The following TAF1C variants were observed in gnomAD, a reference collection of about 807,000 sequenced individuals.
TAF1C encodes the protein TATA box-binding protein-associated factor RNA polymerase I subunit C.
Under a neutral mutation model 70.5 loss-of-function variants are expected in TAF1C, and 79 were observed. The ratio of observed to expected loss-of-function variants is 1.12; its 90% CI spans 0.93 to 1.35. TAF1C has a LOEUF of 1.35. TAF1C is among the 40% of genes most tolerant of loss of function. The probability of loss-of-function intolerance (pLI) is 0.00; values close to 1 mark genes in which losing one functional copy is unlikely to be tolerated. For synonymous variants in TAF1C, 614 were observed against 491.1 expected, an observed-to-expected ratio of 1.25 and a Z score of -3.31; for missense variants, 1,412 against 1,127.8, an observed-to-expected ratio of 1.25 and a Z score of -3.61.
chr16:84,178,706 C>G lies in TAF1C; in HGVS notation c.*235G>C. ...CAGCAACACAGGCCCACCGGCACCT[C>G]CAGCCTGCCTTGCGGGATGATCTTC... On this transcript the variant is annotated 3_prime_UTR_variant, in exon 15 of 15. Transcript: ENST00000566732. 1.7e-6 allele frequency: 1 copy of G among 579,146 alleles called. No homozygotes were observed. The highest frequency in any genetic ancestry group is 2.1e-5 in the South Asian group (1 of 47,116). 35.9% of individuals were successfully genotyped at this position (579,146 alleles called of 1,614,324 possible). A position where few individuals can be genotyped will look rare whatever the true frequency, so the allele number is the denominator to read the frequency against.
Position 84,178,980 on chromosome 16 carries a change from G to T in TAF1C, c.2493C>A (p.Ser831Arg). ...GAGGCTTCTTCCGGAGGGGCTGAGA[G>T]CTAGAGAGGACGGGTGTGTGCTGCT... is the stretch of plus-strand genomic sequence containing the variant. The part of the protein sequence containing the change: ...RSQQHTPVLS[S>R]SQPLRKKPRM... The change falls in exon 15 of 15, where the codon AGC (serine) becomes AGA (arginine). Residue 831 changes from serine to arginine, a missense_variant. Transcript: ENST00000566732. 6.2e-7 allele frequency: 1 copy of T among 1,610,956 alleles called. No individual in the cohort carries two copies.
intron 1 of TAF1C, among the ~76,000 whole-genome samples, chr16:84,186,630 G>A (rs1268825703): frequency 6.6e-6 from 1 of 152,244 alleles, no homozygotes; most frequent in African/African-American, 2.4e-5. Context: ...GGAGGGCGCT[G>A]GTGGAGAGCA....
In TAF1C at chr16:84,181,606, C is replaced by T. The variant is rs2089199598; in HGVS notation, c.1014G>A (p.Trp338Ter). ...ICSRSGAVCL[W>*]SPEDGLRQIY... Reference sequence around the variant, plus strand: ...AGCGGCGATACCCATCCTCAGGGCTCCACAGGCAGACGGCTCCCGAGCGGC... The same window carrying T: ...AGCGGCGATACCCATCCTCAGGGCTTCACAGGCAGACGGCTCCCGAGCGGC... The change falls in exon 10 of 15, where the codon TGG (tryptophan) becomes TGA (stop). Residue 338 changes from tryptophan (W) to a stop codon, truncating the protein, a stop_gained. Transcript: ENST00000566732. LOFTEE classifies it high-confidence loss of function. 1.9e-6 allele frequency: 3 copies of T among 1,613,828 alleles called. No homozygotes were observed. The highest frequency in any genetic ancestry group is 1.3e-5 in the African/African-American group (1 of 74,906).
chr16:84,181,523 G>T (rs2089191532), intron 10 of TAF1C, 60 bp from the exon 11 acceptor site: 12 of 1,613,628 alleles, frequency 7.4e-6, no homozygotes, highest in African/African-American at 2.7e-5. Flanking sequence ...GGGCTCAAGG[G>T]TCGCGACATG....
At position 84,179,380 on chromosome 16, in the gene TAF1C, G is replaced by C. The variant is rs558058307; in HGVS notation, c.2093C>G (p.Ala698Gly). ...EDKLSERLGE[A>G]WAGRGAAWWE... ...CCAGGCAGCCCCTCGGCCTGCCCAGGCTTCCCCCAGGCGCTCACTGAGCTT... is the reference window on the plus strand; with the variant it reads ...CCAGGCAGCCCCTCGGCCTGCCCAGCCTTCCCCCAGGCGCTCACTGAGCTT... Residue 698 changes from alanine to glycine, a missense_variant, in exon 15 of 15, where the codon GCC becomes GGC. Physicochemically the swap from Ala to Gly is moderately conservative, Grantham distance 60. Transcript: ENST00000566732. 1.3e-6 allele frequency: 2 copies of C among 1,599,370 alleles called. No individual in the cohort carries two copies. Among genetic ancestry groups the C allele is most frequent in the African/African-American group, 2.7e-5 (2 of 74,986 alleles).
At position 84,179,465 on chromosome 16, in the gene TAF1C, C is replaced by T. The variant is rs766207631; in HGVS notation, c.2008G>A (p.Asp670Asn). ...TCTGCCGCAGGGAGGGAGCCCAGGT[C>T]TCTCTGCAGCAGGAGCTGCCCTCGG... The part of the protein sequence containing the change: ...MARGQLLLQR[D>N]LGSLPAAEPP... The change falls in exon 15 of 15, where the codon GAC becomes AAC. Residue 670 changes from aspartate (D) to asparagine (N), a missense_variant. Asp to Asn is a conservative substitution (Grantham distance 23, BLOSUM62 1). Transcript: ENST00000566732. 1 of 1,597,596 alleles carries T rather than the reference C, an allele frequency of 6.3e-7. No homozygotes were observed.
In TAF1C at chr16:84,179,225, G is replaced by A. The variant is rs1044808805; in HGVS notation, c.2248C>T (p.His750Tyr). The A allele has an allele frequency of 6.9e-6, 11 of 1,584,718 alleles. No individual in the cohort carries two copies. The highest frequency in any genetic ancestry group is 2.3e-5 in the East Asian group (1 of 44,122). ...TCAGCAGGTGGCCACTCAGGGCTAT[G>A]AGGGGAGCTGGTGTCCTCTGAGGGA... is the stretch of plus-strand genomic sequence containing the variant. ...VDPSEDTSSPHSPEWPPADAL... is the reference protein window; with the variant it reads ...VDPSEDTSSPYSPEWPPADAL... The change falls in exon 15 of 15, where the codon CAT becomes TAT. Residue 750 changes from histidine (H) to tyrosine (Y), a missense_variant. Transcript: ENST00000566732.
Position 84,178,886 on chromosome 16 carries a change from C to G in TAF1C, c.*55G>C. 6.6e-7 allele frequency: 1 copy of G among 1,507,700 alleles called. No individual in the cohort carries two copies. Among genetic ancestry groups the G allele is most frequent in the Non-Finnish European group, 8.9e-7 (1 of 1,128,716 alleles). 93.4% of individuals were successfully genotyped at this position (1,507,700 alleles called of 1,614,324 possible). A position where few individuals can be genotyped will look rare whatever the true frequency, so the allele number is the denominator to read the frequency against. ...TTCAACTGTGGAAGGCACATCTGGT[C>G]CCAGAGGAAGGATGAGGGGCTCTCT... On this transcript the variant is annotated 3_prime_UTR_variant, in exon 15 of 15. Transcript: ENST00000566732.
chr16:84,181,839 T>C lies in TAF1C; in HGVS notation c.863A>G (p.Tyr288Cys). 1 of 1,613,968 alleles carries C rather than the reference T, an allele frequency of 6.2e-7. No individual in the cohort carries two copies. The highest frequency in any genetic ancestry group is 8.5e-7 in the Non-Finnish European group (1 of 1,179,990). The change falls in exon 9 of 15, where the codon TAC becomes TGC. Residue 288 changes from tyrosine to cysteine, a missense_variant. Transcript: ENST00000566732. ...GETLLAVRSD[Y>C]HCAVWKFGKQ... ...ACCAAACTTCCACACGGCACAGTGG[T>C]AGTCAGAGCGGACGGCCAGCAGAGC...
Position 84,182,445 on chromosome 16 carries a change from G to A in TAF1C, c.483-5C>T, listed in dbSNP as rs748617593. 6.3e-7 allele frequency: 1 copy of A among 1,597,434 alleles called. No individual in the cohort carries two copies. Among genetic ancestry groups the A allele is most frequent in the South Asian group, 1.1e-5 (1 of 89,674 alleles). On this transcript the variant is annotated splice_polypyrimidine_tract_variant and splice_region_variant and intron_variant, in intron 6 of 14. Transcript: ENST00000566732. The surrounding 1 kb of genome is among the most constrained non-coding windows in gnomAD (Gnocchi z 5.0). ...CTGAGGTAAGCCCAGGGACACCTGGGGACCAGAGAACAGCAGGAGGATCAC... is the reference window on the plus strand; with the variant it reads ...CTGAGGTAAGCCCAGGGACACCTGGAGACCAGAGAACAGCAGGAGGATCAC...
chr16:84,177,882 ATGTC>A lies in TAF1C; in HGVS notation c.*1055_*1058del, dbSNP rs771825223. ...TGTAGCATAAATGGTTTAATCATAAATGTCTCCCTTAGGCATGATAAACATTTTA... is the reference window on the plus strand; with the variant it reads ...TGTAGCATAAATGGTTTAATCATAAATCCCTTAGGCATGATAAACATTTTA... On this transcript the variant is annotated 3_prime_UTR_variant, in exon 15 of 15. Coordinates refer to ENST00000566732, the MANE Select transcript of TAF1C (RefSeq NM_001243156.2). The A allele has an allele frequency of 2.5e-5, 37 of 1,503,548 alleles. No homozygotes were observed. Among genetic ancestry groups the A allele is most frequent in the Non-Finnish European group, 3.3e-5 (36 of 1,079,574 alleles). The allele number at this position is 1,503,548 out of a possible 1,614,324, so 93.1% of individuals were successfully genotyped here. A position where few individuals can be genotyped will look rare whatever the true frequency, so the allele number is the denominator to read the frequency against.
In TAF1C at chr16:84,182,956, G is replaced by C; in HGVS notation, c.482+120C>G. On this transcript the variant is annotated intron_variant, in intron 6 of 14. Transcript: ENST00000566732. This position sits in a 1 kb window ranked among gnomAD's most constrained non-coding sequence, Gnocchi z 5.0. ...GTCTGGTATAAGAAAGTACAGCTCA[G>C]ACTGCATGGAGCAGGGGGGAAGTGG... is the stretch of plus-strand genomic sequence containing the variant. The C allele has an allele frequency of 1.0e-6, 1 of 977,606 alleles. No individual in the cohort carries two copies. The highest frequency in any genetic ancestry group is 2.4e-5 in the East Asian group (1 of 41,374). The allele number at this position is 977,606 out of a possible 1,614,324, so 60.6% of individuals were successfully genotyped here.
intron 1 of TAF1C, chr16:84,185,281 C>T (rs2089420758): frequency 7.0e-6 from 2 of 286,602 alleles, no homozygotes; most frequent in Non-Finnish European, 6.6e-6. Context: ...CAGCCTGAAC[C>T]TAGTGAAGGA....
At chr16:84,184,270 G>T (rs367725483) in intron 2 of TAF1C, among the ~76,000 whole-genome samples, 1 of 152,110 alleles carries the variant, frequency 6.6e-6, no homozygotes. Flanking sequence ...ACCCTCCCTC[G>T]TAAGGATGCC....
At chr16:84,180,131 C>T in intron 13 of TAF1C, 39 bp downstream of exon 13, 2 of 1,565,010 alleles carry the variant, frequency 1.3e-6, no homozygotes, top group Non-Finnish European at 1.7e-6. Flanking sequence ...CCGACCGCCC[C>T]ATCTCCCACA....
In TAF1C at chr16:84,183,235, G is replaced by A; in HGVS notation, c.408+9C>T. On this transcript the variant is annotated intron_variant, in intron 5 of 14. Coordinates refer to ENST00000566732, the MANE Select transcript of TAF1C (RefSeq NM_001243156.2). Reference sequence around the variant, plus strand: ...GGAGTCCCCACCCCTGGAGTCACGGGCCACTCACCCCCGCTCCCTCCAGCT... The same window carrying A: ...GGAGTCCCCACCCCTGGAGTCACGGACCACTCACCCCCGCTCCCTCCAGCT... 6.2e-7 allele frequency: 1 copy of A among 1,613,954 alleles called. No homozygotes were observed. The highest frequency in any genetic ancestry group is 2.2e-5 in the East Asian group (1 of 44,868).
In TAF1C at chr16:84,180,218, G is replaced by C; in HGVS notation, c.1435C>G (p.Leu479Val). The C allele has an allele frequency of 6.5e-7, 1 of 1,538,480 alleles. No individual in the cohort carries two copies. Among genetic ancestry groups the C allele is most frequent in the Non-Finnish European group, 8.7e-7 (1 of 1,148,810 alleles). ...PPPRPSCVQP[L>V]LLGGQGGQLQ... ...TGCCCACCCTGGCCTCCGAGGAGCA[G>C]GGGCTGCACGCAGCTGGGCCGGGGC... Residue 479 changes from leucine (L) to valine (V), a missense_variant, in exon 13 of 15, where the codon CTG becomes GTG. By Grantham distance (32) the Leu-to-Val change is conservative. Coordinates refer to ENST00000566732, the MANE Select transcript of TAF1C (RefSeq NM_001243156.2).
intron 13 of TAF1C, 37 bp downstream of exon 13, chr16:84,180,133 T>A: frequency 6.4e-7 from 1 of 1,564,260 alleles, no homozygotes; most frequent in Non-Finnish European, 8.6e-7. Flanking sequence ...GACCGCCCCA[T>A]CTCCCACACG....
At chr16:84,180,809 C>G (rs1490748419) in intron 12 of TAF1C, 1 of 1,365,154 alleles carries the variant, frequency 7.3e-7, no homozygotes, top group East Asian at 2.7e-5. Context: ...CCTGCTCCAC[C>G]CCTGGCTGCA....
Sources: allele counts gnomAD v4.1 joint callset (sites outside exome capture counted in the v4.1 genomes callset), GRCh38; gene constraint gnomAD v4.1.1; non-coding constraint Gnocchi (gnomAD v3.1); transcripts MANE v1.5; gene names NCBI Gene and HGNC (gene_info 2026-07-23, HGNC 2026-07-21).